The following RPAP2 variants were observed in gnomAD, a reference collection of about 807,000 sequenced individuals.
The protein encoded by RPAP2 is putative RNA polymerase II subunit B1 CTD phosphatase RPAP2.
RPAP2 carries 52 observed loss-of-function variants against 73.1 expected under a neutral mutation model. The observed-to-expected ratio is 0.71, with a 90% CI of 0.57 to 0.90. The LOEUF (loss-of-function observed/expected upper bound fraction) is 0.90, where lower values mean the gene tolerates loss of function less well. RPAP2 is among the 40% of genes least tolerant of loss of function. The pLI is 0.00. For missense variants in RPAP2, 598 were observed against 701.8 expected (o/e 0.85, Z 1.67); for synonymous variants, 225 against 242.1 (o/e 0.93, Z 0.65).
intron 8 of RPAP2, among the ~76,000 whole-genome samples, chr1:92,332,965 C>G (rs760491261): frequency 6.6e-6 from 1 of 151,960 alleles, no homozygotes. Flanking sequence ...GAGAGAGAGT[C>G]GGTTTGAATT....
chr1:92,351,456 A>T (rs1345448445), intron 11 of RPAP2, among the ~76,000 whole-genome samples: 1 of 152,118 alleles, frequency 6.6e-6, no homozygotes, highest in Non-Finnish European at 1.5e-5. Context: ...GTAAAGAATC[A>T]CTTTTAATCA....
Position 92,359,115 on chromosome 1 carries a change from G to C in RPAP2, c.1688+13201G>C, listed in dbSNP as rs142416557. ...ACTAGTAACAGCCTAGTTAAACAAA[G>C]AGCAATGAGGCAATGAAATGAAAAG... On this transcript the variant is annotated intron_variant, in intron 11 of 12. Coordinates refer to ENST00000610020, the MANE Select transcript of RPAP2 (RefSeq NM_024813.3). Among the ~76,000 whole-genome samples the C allele has an allele frequency of 2.5e-3, 385 of 152,208 alleles. 3 individuals carry two copies. The highest frequency in any genetic ancestry group is 9.3e-3 in the South Asian group (45 of 4,822).
intron 8 of RPAP2, among the ~76,000 whole-genome samples, chr1:92,330,020 G>C (rs1229819658): frequency 1.3e-5 from 2 of 152,178 alleles, no homozygotes; most frequent in African/African-American, 4.8e-5. Context: ...TAGACCTCAA[G>C]GAAAAAGGTA....
chr1:92,345,998 G>T, intron 11 of RPAP2, 84 bp downstream of exon 11: 1 of 948,996 alleles, frequency 1.1e-6, no homozygotes. Context: ...CACTGATTTT[G>T]TAAACTGCCT....
At chr1:92,378,166 A>G (rs1163628108) in intron 11 of RPAP2, among the ~76,000 whole-genome samples, 2 of 152,114 alleles carry the variant, frequency 1.3e-5, no homozygotes, top group Non-Finnish European at 2.9e-5. Flanking sequence ...GGATGTGTCA[A>G]ATAAGTACCA....
chr1:92,351,609 G>T (rs1224182931), intron 11 of RPAP2, among the ~76,000 whole-genome samples: 3 of 152,014 alleles, frequency 2.0e-5, no homozygotes, highest in East Asian at 3.9e-4. Context: ...AGTCTTCTGT[G>T]ACCTCTGTCA....
rs1457808998 is a variant in RPAP2 at position 92,324,242 on chromosome 1, C to A, written c.1322C>A (p.Thr441Lys). 6.8e-6 allele frequency: 11 copies of A among 1,614,008 alleles called. No individual in the cohort carries two copies. Among genetic ancestry groups the A allele is most frequent in the East Asian group, 4.5e-5 (2 of 44,872 alleles). The change falls in exon 8 of 13, where the codon ACA becomes AAA. Residue 441 changes from threonine to lysine, a missense_variant. Thr to Lys is a moderately conservative substitution (Grantham distance 78). Around this residue, in one of 3 missense-constraint regions of RPAP2, gnomAD observed 506 missense variants for 612.8 expected, o/e 0.83. Coordinates refer to ENST00000610020, the MANE Select transcript of RPAP2 (RefSeq NM_024813.3). ...TCTTTACCTTTTAGGGGCTCAGGTA[C>A]AGCCATTAAACCACTGCCAAGTTAC... Reference protein sequence around the residue: ...DESLPFRGSGTAIKPLPSYEN... With the variant: ...DESLPFRGSGKAIKPLPSYEN...
intron 6 of RPAP2, among the ~76,000 whole-genome samples, chr1:92,318,468 C>A (rs1186775823): frequency 6.6e-6 from 1 of 152,198 alleles, no homozygotes. Context: ...CCTGTTCTCT[C>A]TACTATGTTT....
chr1:92,383,043 T>G (rs1386607318), intron 12 of RPAP2, among the ~76,000 whole-genome samples: 1 of 152,240 alleles, frequency 6.6e-6, no homozygotes, highest in Admixed American at 6.5e-5. Flanking sequence ...CCCCATTTCT[T>G]GTTTTGGTCA....
intron 8 of RPAP2, among the ~76,000 whole-genome samples, chr1:92,331,360 G>A (rs1184649940): frequency 1.3e-5 from 2 of 151,822 alleles, no homozygotes; most frequent in African/African-American, 4.8e-5. Context: ...ACAGTATTTG[G>A]GTTTAAATCT....
At chr1:92,320,557 A>G (rs1652194191) in intron 6 of RPAP2, 42 bp from the exon 7 acceptor site, 1 of 1,591,824 alleles carries the variant, frequency 6.3e-7, no homozygotes. Flanking sequence ...GGCATGAGCC[A>G]CCGCACCCGG....
chr1:92,359,213 A>G (rs1315552504), intron 11 of RPAP2, among the ~76,000 whole-genome samples: 1 of 152,278 alleles, frequency 6.6e-6, no homozygotes, highest in Non-Finnish European at 1.5e-5. Flanking sequence ...AAAGTCAAAC[A>G]TAATTTTAAG....
chr1:92,323,386 T>C, intron 7 of RPAP2, 59 bp from the exon 8 acceptor site: 1 of 1,261,352 alleles, frequency 7.9e-7, no homozygotes, highest in Non-Finnish European at 1.1e-6. Context: ...TTTTCTATTG[T>C]TTTCGGGTTT....
At chr1:92,348,140 C>T (rs575692825) in intron 11 of RPAP2, among the ~76,000 whole-genome samples, 24 of 152,258 alleles carry the variant, frequency 1.6e-4, no homozygotes, top group Non-Finnish European at 2.8e-4. Context: ...CCACCCGCCT[C>T]GGCCTCCCAA....
intron 6 of RPAP2, among the ~76,000 whole-genome samples, chr1:92,314,822 A>G (rs2101140909): frequency 6.6e-6 from 1 of 152,140 alleles, no homozygotes; most frequent in South Asian, 2.1e-4. Flanking sequence ...AGGCAGGTGG[A>G]TCACCTGAGG....
At chr1:92,314,080 G>A (rs1244844528) in intron 6 of RPAP2, among the ~76,000 whole-genome samples, 1 of 152,144 alleles carries the variant, frequency 6.6e-6, no homozygotes, top group East Asian at 1.9e-4. Flanking sequence ...CCAGCAATAA[G>A]GCTGTTTTGC....
At chr1:92,360,523 G>T (rs1362843224) in intron 11 of RPAP2, among the ~76,000 whole-genome samples, 1 of 152,116 alleles carries the variant, frequency 6.6e-6, no homozygotes, top group African/African-American at 2.4e-5. Flanking sequence ...GAGCATTTTG[G>T]TAGCAGAGGG....
intron 11 of RPAP2, among the ~76,000 whole-genome samples, chr1:92,354,315 G>C (rs78149906): frequency 1.3e-5 from 2 of 152,172 alleles, no homozygotes; most frequent in East Asian, 3.9e-4. Context: ...TTCAATCTTA[G>C]AGTATTGAAA....
intron 9 of RPAP2, 56 bp from the exon 10 acceptor site, chr1:92,336,290 CA>C (rs1553152555): frequency 1.4e-5 from 17 of 1,216,730 alleles, no homozygotes; most frequent in Admixed American, 1.9e-5. Context: ...AGGCATGACC[CA>C]AAAAAAGTTT....
Sources: gnomAD v4.1 joint callset for allele counts (sites outside exome capture counted in the v4.1 genomes callset) on GRCh38, gnomAD v4.1.1 for gene constraint, gnomAD v4.1.1 regional missense constraint, MANE v1.5 for transcripts, NCBI Gene and HGNC (gene_info 2026-07-23, HGNC 2026-07-21) for gene names.